The following PADI6 variants were observed in gnomAD, a reference collection of about 807,000 sequenced individuals.
The protein encoded by PADI6 is inactive protein-arginine deiminase type-6.
In PADI6, 66 loss-of-function variants were observed where a neutral mutation model predicts 78.2. The observed-to-expected ratio is 0.84, with a 90% CI of 0.69 to 1.04. PADI6 has a LOEUF of 1.04. PADI6 is among the 50% of genes least tolerant of loss of function. The pLI, the probability that PADI6 is intolerant of heterozygous loss-of-function variation, is 0.00. For missense variants in PADI6, 854 were observed against 866.1 expected, an observed-to-expected ratio of 0.99 and a Z score of 0.18; for synonymous variants, 397 against 346.9, an observed-to-expected ratio of 1.14 and a Z score of -1.60.
intron 8 of PADI6, among the ~76,000 whole-genome samples, chr1:17,390,437 TA>T (rs2075170826): frequency 6.6e-6 from 1 of 151,708 alleles, no homozygotes; most frequent in South Asian, 2.1e-4. Context: ...CCGTCTCTAC[TA>T]AAAATACAAA....
In PADI6 at chr1:17,377,412, CCAGT is replaced by C. The variant is rs761239357; in HGVS notation, c.367+1918_367+1921del. On this transcript the variant is annotated intron_variant, in intron 3 of 15. Transcript: ENST00000619609. ...TTCTCAGTCCTTTGTCCCGCTGCTT[CCAGT>C]CAGTGAAGTGTCTCAGGCTCAGGAG... Among the ~76,000 whole-genome samples the C allele has an allele frequency of 4.6e-5, 7 of 152,308 alleles. No homozygotes were observed. In the East Asian group the frequency reaches 1.4e-3, roughly 29 times the overall value.
intron 3 of PADI6, 36 bp from the exon 4 acceptor site, chr1:17,379,884 T>C (rs2100293552): frequency 1.9e-6 from 3 of 1,600,194 alleles, no homozygotes; most frequent in Non-Finnish European, 2.6e-6. Flanking sequence ...ATCTGGCAGG[T>C]CAAGGTGGCT....
At chr1:17,385,362 T>C (rs1240315050) in intron 6 of PADI6, among the ~76,000 whole-genome samples, 2 of 151,532 alleles carry the variant, frequency 1.3e-5, no homozygotes, top group African/African-American at 4.9e-5. Flanking sequence ...GGTGTGGGAG[T>C]GGACAGTGTG....
At chr1:17,375,563 G>A (rs1368283916) in intron 3 of PADI6, 64 bp downstream of exon 3, 1 of 1,435,898 alleles carries the variant, frequency 7.0e-7, no homozygotes, top group South Asian at 1.2e-5. Context: ...GAAGGGGTGG[G>A]ATTGTAGGAG....
rs746384944 is a variant in PADI6, at chr1:17,401,438, G to C, written c.2085G>C (p.Ter695TyrextTer73). Residue 695 changes from the stop codon to tyrosine (Y), a stop_lost, in exon 16 of 16, where the codon TAG becomes TAC. Transcript: ENST00000619609. ...TCAAATGGTGGAAGATGGTACCTTA[G>C]ACCCAGGCCCTGGAGCTGCCAGCTC... The part of the protein sequence containing the change: ...FAFKWWKMVP[*>Y] The C allele has an allele frequency of 6.2e-7, 1 of 1,613,164 alleles. No individual in the cohort carries two copies. Among genetic ancestry groups the C allele is most frequent in the Non-Finnish European group, 8.5e-7 (1 of 1,179,348 alleles).
At chr1:17,382,539 C>T (rs973210356) in intron 6 of PADI6, among the ~76,000 whole-genome samples, 5 of 152,198 alleles carry the variant, frequency 3.3e-5, no homozygotes, top group African/African-American at 9.7e-5. Flanking sequence ...CACGGTAGCA[C>T]CTGCATCCCA....
chr1:17,394,654 G>A (rs2075227631), intron 11 of PADI6, among the ~76,000 whole-genome samples, 200 bp downstream of exon 11: 1 of 152,086 alleles, frequency 6.6e-6, no homozygotes, highest in African/African-American at 2.4e-5. Context: ...GGTTTAAACT[G>A]AAACAAGTGA....
chr1:17,376,825 TACA>T (rs892392492), intron 3 of PADI6, among the ~76,000 whole-genome samples: 3 of 152,238 alleles, frequency 2.0e-5, no homozygotes, highest in African/African-American at 7.2e-5. Flanking sequence ...CTCTAACATC[TACA>T]ACACTAAGTT....
rs139328306 is a variant in PADI6 at position 17,399,780 on chromosome 1, G to A, written c.1851+933G>A. On this transcript the variant is annotated intron_variant, in intron 15 of 15. Transcript: ENST00000619609. ...GGCCAGGGTGCAGTGGCTCATGCCC[G>A]TAATCTCAGCACTTTGGGAGGCTGA... is the stretch of plus-strand genomic sequence containing the variant. Among the ~76,000 whole-genome samples the A allele has an allele frequency of 1.8e-3, 279 of 151,888 alleles. 1 individual carries two copies. The highest frequency in any genetic ancestry group is 6.3e-3 in the African/African-American group (262 of 41,396).
rs2075067522 is a variant in PADI6 at position 17,381,053 on chromosome 1, T to G, written c.442T>G (p.Trp148Gly). 1 of 1,597,112 alleles carries G rather than the reference T, an allele frequency of 6.3e-7. No individual in the cohort carries two copies. Among genetic ancestry groups the G allele is most frequent in the Non-Finnish European group, 8.5e-7 (1 of 1,172,242 alleles). The change falls in exon 5 of 16, where the codon TGG becomes GGG. Residue 148 changes from tryptophan (W) to glycine (G), a missense_variant. Trp to Gly is a radical substitution (Grantham distance 184). Coordinates refer to ENST00000619609, the MANE Select transcript of PADI6 (RefSeq NM_207421.4). The stretch of plus-strand genomic sequence containing the variant: ...GTTCCCATCTCATTTGCAGAAAAAA[T>G]GGATCTGGGGTCCCAGCGGTTGGGG... Reference protein sequence around the residue: ...MSSDKQAKKKWIWGPSGWGAI... With the variant: ...MSSDKQAKKKGIWGPSGWGAI...
At chr1:17,396,013 C>T (rs1055799375) in intron 13 of PADI6, among the ~76,000 whole-genome samples, 40 of 152,106 alleles carry the variant, frequency 2.6e-4, no homozygotes, top group African/African-American at 8.5e-4. Flanking sequence ...CTTTGTGGGT[C>T]TCCTGGTTAC....
At position 17,388,372 on chromosome 1, in the gene PADI6, C is replaced by G; in HGVS notation, c.680-9C>G. 1 of 1,600,018 alleles carries G rather than the reference C, an allele frequency of 6.2e-7. No homozygotes were observed. The highest frequency in any genetic ancestry group is 8.5e-7 in the Non-Finnish European group (1 of 1,172,526). On this transcript the variant is annotated splice_polypyrimidine_tract_variant and intron_variant, in intron 6 of 15. Transcript: ENST00000619609. Reference sequence around the variant, plus strand: ...TCAGTGGCTGGTCCATCCCTTCTTTCTCTCCTAGAAGACAACTCCAGTACC... The same window carrying G: ...TCAGTGGCTGGTCCATCCCTTCTTTGTCTCCTAGAAGACAACTCCAGTACC...
chr1:17,381,278 AG>A (rs2075070634), intron 5 of PADI6, 114 bp downstream of exon 5: 1 of 824,176 alleles, frequency 1.2e-6, no homozygotes, highest in Admixed American at 2.5e-5. Context: ...CCTCTTCCCC[AG>A]TCCCCATGCC....
At chr1:17,374,504 T>C (rs529131540) in intron 2 of PADI6, among the ~76,000 whole-genome samples, 1 of 152,162 alleles carries the variant, frequency 6.6e-6, no homozygotes, top group Non-Finnish European at 1.5e-5. Context: ...CAGGTGCCTG[T>C]AATCTCAGGT....
chr1:17,398,136 TG>T (rs2075264099), intron 14 of PADI6, among the ~76,000 whole-genome samples: 1 of 152,218 alleles, frequency 6.6e-6, no homozygotes, highest in Non-Finnish European at 1.5e-5. Flanking sequence ...CTTCTCTCAC[TG>T]GGTCCTTAAC....
Position 17,375,462 on chromosome 1 carries a change from C to A in PADI6, c.330C>A (p.Ala110=). 1.2e-6 allele frequency: 2 copies of A among 1,611,030 alleles called. No homozygotes were observed. The highest frequency in any genetic ancestry group is 1.7e-6 in the Non-Finnish European group (2 of 1,178,766). ...SVTYYGPNED[A]PVGTAVLYLT... ...CATACTATGGGCCCAACGAGGATGC[C>A]CCCGTGGGCACAGCTGTGCTGTACC... The change falls in exon 3 of 16, where the codon GCC becomes GCA. Residue 110 remains alanine, a synonymous_variant. Coordinates refer to ENST00000619609, the MANE Select transcript of PADI6 (RefSeq NM_207421.4).
rs2075268886 is a variant in PADI6, at chr1:17,398,580, G to A, written c.1690-106G>A. 7.3e-6 allele frequency: 5 copies of A among 680,680 alleles called. No individual in the cohort carries two copies. The Admixed American group carries it at 1.1e-4, about 16-fold the overall frequency. The allele number at this position is 680,680 out of a possible 1,614,324, so 42.2% of individuals were successfully genotyped here. Reference sequence around the variant, plus strand: ...ACAGCAAGTGATGGGGATGGTAGTGGTGTCAGGCCATCACCTACCTTCAGT... The same window carrying A: ...ACAGCAAGTGATGGGGATGGTAGTGATGTCAGGCCATCACCTACCTTCAGT... On this transcript the variant is annotated intron_variant, in intron 14 of 15. Transcript: ENST00000619609.
In PADI6 at chr1:17,373,089, C is replaced by A; in HGVS notation, c.150C>A (p.Ile50=). 6.2e-7 allele frequency: 1 copy of A among 1,614,000 alleles called. No individual in the cohort carries two copies. Among genetic ancestry groups the A allele is most frequent in the South Asian group, 1.1e-5 (1 of 91,082 alleles). The change falls in exon 2 of 16, where the codon ATC becomes ATA. Residue 50 remains isoleucine, a synonymous_variant. Transcript: ENST00000619609. ...CCCAGAAGTGCCAGTGCTTCACCAT[C>A]CATGGCTCTGGGAGGGTCTTGATCG... ...CAPQKCQCFT[I]HGSGRVLIDV... is the part of the protein sequence containing the mutation.
chr1:17,392,699 A>G (rs887477844), intron 9 of PADI6, among the ~76,000 whole-genome samples: 1 of 152,164 alleles, frequency 6.6e-6, no homozygotes, highest in South Asian at 2.1e-4. Context: ...GTTAGCAAGG[A>G]TAGAACTTTT....
Sources: gnomAD v4.1 joint callset for allele counts (sites outside exome capture counted in the v4.1 genomes callset) on GRCh38, gnomAD v4.1.1 for gene constraint, MANE v1.5 for transcripts, NCBI Gene and HGNC (gene_info 2026-07-23, HGNC 2026-07-21) for gene names.